The following RBFOX1 variants were observed in gnomAD, a reference collection of about 807,000 sequenced individuals.
RBFOX1 encodes the protein RNA binding protein fox-1 homolog 1.
A neutral mutation model predicts 57.7 loss-of-function variants in RBFOX1; 8 were observed. That is an observed-to-expected ratio of 0.14 (90% CI 0.08 to 0.25). RBFOX1 has a LOEUF of 0.25. RBFOX1 is among the 10% of genes least tolerant of loss of function. The pLI, the probability that RBFOX1 is intolerant of heterozygous loss-of-function variation, is 1.00. For missense variants in RBFOX1, 611 were observed against 548.5 expected, an observed-to-expected ratio of 1.11 and a Z score of -1.14; for synonymous variants, 326 against 222.4, an observed-to-expected ratio of 1.47 and a Z score of -4.15.
chr16:7,282,405 A>G (rs1603483587), intron 4 of RBFOX1, among the ~76,000 whole-genome samples: 2 of 152,276 alleles, frequency 1.3e-5, no homozygotes, highest in East Asian at 3.9e-4. Context: ...AAGATATCTC[A>G]TTATAAGAAT....
At chr16:7,232,233 A>T (rs986346486) in intron 4 of RBFOX1, among the ~76,000 whole-genome samples, 2 of 152,186 alleles carry the variant, frequency 1.3e-5, no homozygotes, top group Non-Finnish European at 2.9e-5. Context: ...CATGTTGGCC[A>T]GGCTGGTCAT....
intron 2 of RBFOX1, among the ~76,000 whole-genome samples, chr16:6,556,116 C>T (rs1333297275): frequency 2.0e-5 from 3 of 152,156 alleles, no homozygotes; most frequent in African/African-American, 4.8e-5. Context: ...GAACTCAGGA[C>T]ATTTAATTTA....
At chr16:6,613,027 G>A (rs1457675343) in intron 2 of RBFOX1, among the ~76,000 whole-genome samples, 3 of 151,012 alleles carry the variant, frequency 2.0e-5, no homozygotes, top group Non-Finnish European at 4.4e-5. Flanking sequence ...GTGTGTGTGT[G>A]TGTGTGTGTG....
At chr16:5,365,950 G>A (rs2065702030) in intron 1 of RBFOX1, 5 of 493,932 alleles carry the variant, frequency 1.0e-5, no homozygotes, top group Admixed American at 8.2e-5. Flanking sequence ...TTAGGGGCTG[G>A]TGTGAAGGAT....
chr16:7,252,902 C>T (rs967183440), intron 4 of RBFOX1, among the ~76,000 whole-genome samples: 1 of 152,040 alleles, frequency 6.6e-6, no homozygotes, highest in Non-Finnish European at 1.5e-5. Flanking sequence ...GAGCCGTTAT[C>T]TTAGAGCCTC....
chr16:7,256,283 G>A (rs2094679778), intron 4 of RBFOX1, among the ~76,000 whole-genome samples: 1 of 152,138 alleles, frequency 6.6e-6, no homozygotes, highest in Non-Finnish European at 1.5e-5. Context: ...TTCTGATGAG[G>A]GGAGAGGTTA....
In RBFOX1 at chr16:7,479,607, C is replaced by T. The variant is rs536986783; in HGVS notation, c.28-38540C>T. ...GAAGCATGAAACAGGTACTGTGCATCTCACCACAGCTCAGAGATGGAAGGA... is the reference window on the plus strand; with the variant it reads ...GAAGCATGAAACAGGTACTGTGCATTTCACCACAGCTCAGAGATGGAAGGA... On this transcript the variant is annotated intron_variant, in intron 4 of 15. Transcript: ENST00000550418. Among the ~76,000 whole-genome samples, 4 of 152,256 alleles carry T rather than the reference C, an allele frequency of 2.6e-5. No homozygotes were observed. In the South Asian group the frequency reaches 8.3e-4, roughly 32 times the overall value.
chr16:6,624,619 C>A (rs568823631), intron 2 of RBFOX1, among the ~76,000 whole-genome samples: 1 of 152,224 alleles, frequency 6.6e-6, no homozygotes, highest in East Asian at 1.9e-4. Context: ...CACAGTGCAG[C>A]TGTGTTTTAT....
At chr16:7,373,103 T>C (rs1033114915) in intron 4 of RBFOX1, among the ~76,000 whole-genome samples, 2 of 151,968 alleles carry the variant, frequency 1.3e-5, no homozygotes, top group Non-Finnish European at 2.9e-5. Context: ...GGCTAATTTT[T>C]TTGTATTTTT....
intron 4 of RBFOX1, among the ~76,000 whole-genome samples, chr16:7,483,958 C>G (rs1001571848): frequency 6.6e-6 from 1 of 152,226 alleles, no homozygotes; most frequent in Non-Finnish European, 1.5e-5. Flanking sequence ...CACTACAGTT[C>G]CTTGACCTTA....
chr16:6,992,837 C>CA (rs3048923), intron 3 of RBFOX1, among the ~76,000 whole-genome samples: 1,452 of 118,504 alleles, frequency 0.012, 40 homozygotes, highest in African/African-American at 0.034. Context: ...CTTCCTTTTC[C>CA]AAAAAAAAAA....
intron 1 of RBFOX1, among the ~76,000 whole-genome samples, chr16:5,310,236 T>C (rs2064049190): frequency 6.6e-6 from 1 of 152,048 alleles, no homozygotes; most frequent in Non-Finnish European, 1.5e-5. Context: ...ACCCTGTCTC[T>C]ACAAAAAATA....
At chr16:7,251,660 T>A (rs1263826150) in intron 4 of RBFOX1, among the ~76,000 whole-genome samples, 1 of 152,132 alleles carries the variant, frequency 6.6e-6, no homozygotes, top group Non-Finnish European at 1.5e-5. Flanking sequence ...CCTCAAGTGA[T>A]CTGCTCACCT....
At chr16:6,076,776 A>G (rs1042917943) in intron 1 of RBFOX1, among the ~76,000 whole-genome samples, 15 of 152,228 alleles carry the variant, frequency 9.9e-5, no homozygotes, top group Non-Finnish European at 1.8e-4. Context: ...GAAATGGGAC[A>G]GATGGGGTCA....
intron 4 of RBFOX1, among the ~76,000 whole-genome samples, chr16:5,917,797 A>G (rs2058741153): frequency 6.6e-6 from 1 of 152,202 alleles, no homozygotes; most frequent in African/African-American, 2.4e-5. Context: ...TGATCATTAT[A>G]AAATTCATAC....
chr16:6,411,104 C>T (rs1456031823), intron 2 of RBFOX1, among the ~76,000 whole-genome samples: 1 of 152,168 alleles, frequency 6.6e-6, no homozygotes, highest in African/African-American at 2.4e-5. Flanking sequence ...GGATGTCCCG[C>T]AATCATGGGA....
chr16:5,249,329 T>C (rs1232768306), intron 1 of RBFOX1, among the ~76,000 whole-genome samples: 2 of 152,178 alleles, frequency 1.3e-5, no homozygotes, highest in Non-Finnish European at 2.9e-5. Flanking sequence ...CCCCCCACCT[T>C]GTCCCTCAGA....
intron 2 of RBFOX1, among the ~76,000 whole-genome samples, chr16:5,579,327 G>T (rs2046582169): frequency 6.6e-6 from 1 of 152,022 alleles, no homozygotes; most frequent in African/African-American, 2.4e-5. Flanking sequence ...TCACTTTCCA[G>T]TCCTAGGAAA....
chr16:7,498,567 C>G (rs1476792194), intron 4 of RBFOX1, among the ~76,000 whole-genome samples: 1 of 152,104 alleles, frequency 6.6e-6, no homozygotes, highest in East Asian at 1.9e-4. Flanking sequence ...TTTATTTACC[C>G]AGTATATCCA....
Sources: allele counts gnomAD v4.1 joint callset (sites outside exome capture counted in the v4.1 genomes callset), GRCh38; gene constraint gnomAD v4.1.1; transcripts MANE v1.5; gene names NCBI Gene and HGNC (gene_info 2026-07-23, HGNC 2026-07-21).